PRDM6: variants seen among roughly 807,000 people sequenced by gnomAD.
PRDM6 encodes putative histone-lysine N-methyltransferase PRDM6.
In PRDM6, 25 loss-of-function variants were observed where a neutral mutation model predicts 60.8. The observed-to-expected ratio is 0.41, with a 90% confidence interval of 0.30 to 0.57. PRDM6 has a LOEUF of 0.57. Among genes scored for constraint, PRDM6 ranks in the 20% least tolerant of loss-of-function variants. The pLI is 0.27. For missense variants in PRDM6, 839 were observed against 821.3 expected, an observed-to-expected ratio of 1.02 and a Z score of -0.26; for synonymous variants, 407 against 357.4, an observed-to-expected ratio of 1.14 and a Z score of -1.57.
chr5:123,166,225 G>A (rs1580532344), intron 5 of PRDM6, among the ~76,000 whole-genome samples: 2 of 152,074 alleles, frequency 1.3e-5, no homozygotes, highest in South Asian at 2.1e-4. Context: ...TTAGTGCCCT[G>A]AGCTCCTTCC....
chr5:123,178,006 A>C (rs1007422720), intron 6 of PRDM6, among the ~76,000 whole-genome samples: 3 of 152,190 alleles, frequency 2.0e-5, no homozygotes, highest in Non-Finnish European at 4.4e-5. Context: ...AGTGCCAGGC[A>C]AAGGTGATGT....
chr5:123,173,605 T>A (rs1765945146), intron 6 of PRDM6: 1 of 166,528 alleles, frequency 6.0e-6, no homozygotes, highest in African/African-American at 2.4e-5. Flanking sequence ...CATTCTTGAA[T>A]AAGTTAAAAT....
chr5:123,106,913 C>G (rs1191837226), intron 3 of PRDM6, among the ~76,000 whole-genome samples: 2 of 152,230 alleles, frequency 1.3e-5, no homozygotes, highest in African/African-American at 4.8e-5. Flanking sequence ...TGATCATTGA[C>G]AACAAGCACA....
At chr5:123,098,484 G>T (rs1186101052) in intron 2 of PRDM6, among the ~76,000 whole-genome samples, 3 of 152,246 alleles carry the variant, frequency 2.0e-5, no homozygotes, top group Non-Finnish European at 4.4e-5. Flanking sequence ...AGGGCGCTGC[G>T]ATCCGACAGC....
chr5:123,108,714 G>T (rs1764245550), intron 3 of PRDM6, among the ~76,000 whole-genome samples: 1 of 152,078 alleles, frequency 6.6e-6, no homozygotes, highest in Non-Finnish European at 1.5e-5. Flanking sequence ...TACAAATAAT[G>T]TGCTCATTGG....
rs1044733145 is a variant in PRDM6 at position 123,159,372 on chromosome 5, A to T, written c.1029-142A>T. On this transcript the variant is annotated intron_variant, in intron 4 of 7. Coordinates refer to ENST00000407847, the MANE Select transcript of PRDM6 (RefSeq NM_001136239.4). ...TACAGACTCTAATTGGTTGCTGGGG[A>T]CAATCAGTTGGATGTAAATTTATTA... The T allele has an allele frequency of 8.0e-6, 7 of 871,330 alleles. No individual in the cohort carries two copies. The African/African-American group carries it at 8.5e-5, about 11-fold the overall frequency. The allele number at this position is 871,330 out of a possible 1,614,324, so 54.0% of individuals were successfully genotyped here.
At chr5:123,130,126 C>G (rs1164277726) in intron 3 of PRDM6, among the ~76,000 whole-genome samples, 3 of 48,520 alleles carry the variant, frequency 6.2e-5, no homozygotes, top group Non-Finnish European at 1.2e-4. Flanking sequence ...CTCCCCTTCC[C>G]TCCCCTCTCC....
chr5:123,111,644 T>G (rs113757571), intron 3 of PRDM6, among the ~76,000 whole-genome samples: 4,449 of 150,950 alleles, frequency 0.029, 225 homozygotes, highest in African/African-American at 0.1. Context: ...CTTGCAGTGA[T>G]CCAAGATTGC....
At chr5:123,126,848 ATC>A (rs1764704548) in intron 3 of PRDM6, among the ~76,000 whole-genome samples, 1 of 152,144 alleles carries the variant, frequency 6.6e-6, no homozygotes, top group Admixed American at 6.5e-5. Context: ...TACTATCATA[ATC>A]TCTGTCTATA....
At chr5:123,138,372 T>C (rs1765016827) in intron 3 of PRDM6, among the ~76,000 whole-genome samples, 1 of 152,270 alleles carries the variant, frequency 6.6e-6, no homozygotes. Context: ...GGAATGGTTC[T>C]GATAGCAGGT....
chr5:123,101,402 G>T (rs556826937), intron 3 of PRDM6, among the ~76,000 whole-genome samples: 1 of 152,056 alleles, frequency 6.6e-6, no homozygotes, highest in Non-Finnish European at 1.5e-5. Flanking sequence ...GGAGTGCCCC[G>T]GCTCAAAGCA....
At chr5:123,136,523 G>C (rs1031493211) in intron 3 of PRDM6, among the ~76,000 whole-genome samples, 2 of 152,140 alleles carry the variant, frequency 1.3e-5, no homozygotes, top group African/African-American at 4.8e-5. Context: ...TAGAAACTAA[G>C]TAGCCAGTAC....
intron 3 of PRDM6, among the ~76,000 whole-genome samples, chr5:123,109,914 G>A (rs1764269445): frequency 6.6e-6 from 1 of 152,192 alleles, no homozygotes; most frequent in Non-Finnish European, 1.5e-5. Flanking sequence ...CATTAGGTAG[G>A]TTTGACACTG....
rs1048133296 is a variant in PRDM6, at chr5:123,189,625, C to G, written c.*2424C>G. On this transcript the variant is annotated 3_prime_UTR_variant, in exon 8 of 8. Transcript: ENST00000407847. The stretch of plus-strand genomic sequence containing the variant: ...CTCCATTTAAATCTATTTTTATCCT[C>G]TATTATTAAGAGAAATTGTTGGCAT... The G allele has an allele frequency of 6.6e-6, 1 of 152,204 alleles. No homozygotes were observed. The highest frequency in any genetic ancestry group is 2.4e-5 in the African/African-American group (1 of 41,450). 9.4% of individuals were successfully genotyped at this position (152,204 alleles called of 1,614,324 possible).
rs1763803839 is a variant in PRDM6 at position 123,090,459 on chromosome 5, A to C, written c.445A>C (p.Lys149Gln). The C allele has an allele frequency of 6.8e-7, 1 of 1,473,222 alleles. No homozygotes were observed. Among genetic ancestry groups the C allele is most frequent in the Non-Finnish European group, 8.9e-7 (1 of 1,121,088 alleles). 91.3% of individuals were successfully genotyped at this position (1,473,222 alleles called of 1,614,324 possible). A position where few individuals can be genotyped will look rare whatever the true frequency, so the allele number is the denominator to read the frequency against. ...CGCCACCTCCGGCCCCGGGCCCGTCAAGTGCGGTGGTGGTGGCGGCGGCGG... is the reference window on the plus strand; with the variant it reads ...CGCCACCTCCGGCCCCGGGCCCGTCCAGTGCGGTGGTGGTGGCGGCGGCGG... ...LGATSGPGPV[K>Q]CGGGGGGGGE... The change falls in exon 2 of 8, where the codon AAG becomes CAG. Residue 149 changes from lysine to glutamine, a missense_variant. Physicochemically the swap from Lys to Gln is moderately conservative, Grantham distance 53 (BLOSUM62 1). Around this residue, in one of 2 missense-constraint regions of PRDM6, gnomAD observed 730 missense variants for 648.8 expected, o/e 1.13. Coordinates refer to ENST00000407847, the MANE Select transcript of PRDM6 (RefSeq NM_001136239.4).
rs868124816 is a variant in PRDM6 at position 123,119,738 on chromosome 5, C to T, written c.900+19777C>T. Among the ~76,000 whole-genome samples, 3 of 152,158 alleles carry T rather than the reference C, an allele frequency of 2.0e-5. No individual in the cohort carries two copies. The South Asian group carries it at 6.2e-4, about 32-fold the overall frequency. ...TCTGTTTTTAGAACTACATTGTCAG[C>T]GGTGTCAGAGAGACCCTTCTCAGAT... On this transcript the variant is annotated intron_variant, in intron 3 of 7. Transcript: ENST00000407847.
At chr5:123,104,030 G>A (rs1430353485) in intron 3 of PRDM6, among the ~76,000 whole-genome samples, 1 of 151,986 alleles carries the variant, frequency 6.6e-6, no homozygotes, top group African/African-American at 2.4e-5. Context: ...GCACTATGTG[G>A]AAACCTTCAT....
chr5:123,151,854 C>A (rs1249839350), intron 3 of PRDM6, among the ~76,000 whole-genome samples: 1 of 152,046 alleles, frequency 6.6e-6, no homozygotes, highest in East Asian at 1.9e-4. Flanking sequence ...GTGAGGTGCT[C>A]TCATCAACCC....
At chr5:123,113,750 G>A (rs901063456) in intron 3 of PRDM6, among the ~76,000 whole-genome samples, 5 of 152,168 alleles carry the variant, frequency 3.3e-5, no homozygotes, top group African/African-American at 1.2e-4. Flanking sequence ...GGACCCGGAG[G>A]TGAGCTTTCT....
Sources: gnomAD v4.1 joint callset for allele counts (sites outside exome capture counted in the v4.1 genomes callset) on GRCh38, gnomAD v4.1.1 for gene constraint, gnomAD v4.1.1 regional missense constraint, MANE v1.5 for transcripts, NCBI Gene and HGNC (gene_info 2026-07-23, HGNC 2026-07-21) for gene names.